Variants in CSGALNACT1 observed in about 807,000 individuals in gnomAD.
CSGALNACT1 encodes the protein beta4GalNAcT-1.
CSGALNACT1 carries 52 observed loss-of-function variants against 51.0 expected under a neutral mutation model. The observed-to-expected ratio is 1.02, with a 90% CI of 0.82 to 1.29. CSGALNACT1 has a LOEUF of 1.29. Ranked by LOEUF, CSGALNACT1 falls within the 50% of genes most tolerant of loss-of-function variation. The pLI is 0.00. For missense variants in CSGALNACT1, 935 were observed against 679.2 expected (o/e 1.38, Z -4.19); for synonymous variants, 341 against 254.4 (o/e 1.34, Z -3.24).
intron 3 of CSGALNACT1, among the ~76,000 whole-genome samples, chr8:19,514,672 T>C (rs974869178): frequency 1.5e-5 from 2 of 134,786 alleles, no homozygotes; most frequent in African/African-American, 5.6e-5. Flanking sequence ...AAAAAAAAAA[T>C]ACAGAAGAGA....
chr8:19,524,971 G>T (rs1587818965), intron 3 of CSGALNACT1, among the ~76,000 whole-genome samples: 1 of 152,172 alleles, frequency 6.6e-6, no homozygotes, highest in East Asian at 1.9e-4. Flanking sequence ...TTGTAAACCA[G>T]AACAGTATCT....
At chr8:19,720,634 G>A (rs979087005) in intron 1 of CSGALNACT1, among the ~76,000 whole-genome samples, 2 of 152,118 alleles carry the variant, frequency 1.3e-5, no homozygotes, top group Non-Finnish European at 1.5e-5. Context: ...TGTGCCAGGC[G>A]TGGCATGGGA....
chr8:19,466,056 G>A (rs1272711161), intron 4 of CSGALNACT1, among the ~76,000 whole-genome samples: 10 of 152,100 alleles, frequency 6.6e-5, no homozygotes, highest in Non-Finnish European at 1.5e-4. Flanking sequence ...ATAGAATTTT[G>A]ACAGTTGTTT....
At chr8:19,582,208 A>T (rs2045729656) in intron 3 of CSGALNACT1, among the ~76,000 whole-genome samples, 1 of 152,226 alleles carries the variant, frequency 6.6e-6, no homozygotes, top group Non-Finnish European at 1.5e-5. Flanking sequence ...CTGGGATTTT[A>T]AATACTGTCC....
intron 5 of CSGALNACT1, among the ~76,000 whole-genome samples, chr8:19,440,920 A>G (rs565576616): frequency 6.6e-6 from 1 of 152,322 alleles, no homozygotes; most frequent in South Asian, 2.1e-4. Context: ...CTTATACACC[A>G]ATAACAGACA....
At chr8:19,588,099 G>T (rs1428900006) in intron 3 of CSGALNACT1, 1 of 152,090 alleles carries the variant, frequency 6.6e-6, no homozygotes, top group Non-Finnish European at 1.5e-5. Context: ...ACTGAGGCAG[G>T]ACAATTGCTT....
intron 3 of CSGALNACT1, among the ~76,000 whole-genome samples, chr8:19,506,778 G>A (rs192298590): frequency 3.3e-5 from 5 of 152,104 alleles, no homozygotes; most frequent in South Asian, 4.1e-4. Flanking sequence ...CCTGCTGACC[G>A]TCACCTTCCA....
At chr8:19,561,687 T>A (rs1564057824) in intron 3 of CSGALNACT1, among the ~76,000 whole-genome samples, 1 of 152,204 alleles carries the variant, frequency 6.6e-6, no homozygotes. Context: ...ATACAGAGAA[T>A]GATTCTTTTA....
exon 4 of CSGALNACT1, chr8:19,505,535 G>A: frequency 1.2e-6 from 2 of 1,613,970 alleles, no homozygotes; most frequent in East Asian, 2.2e-5. Flanking sequence ...CAGCATCGCT[G>A]GCTTGGTACT....
chr8:19,477,995 C>T (rs1181610229), intron 4 of CSGALNACT1, among the ~76,000 whole-genome samples: 1 of 152,138 alleles, frequency 6.6e-6, no homozygotes, highest in South Asian at 2.1e-4. Context: ...ACCCCACCTC[C>T]TGAAGAGGCA....
chr8:19,490,337 G>C (rs1024521530), intron 4 of CSGALNACT1, among the ~76,000 whole-genome samples: 5 of 152,094 alleles, frequency 3.3e-5, no homozygotes, highest in African/African-American at 1.2e-4. Context: ...AGAGAGACAG[G>C]TTTAAAAAAA....
At chr8:19,408,208 T>C (rs1435867466) in intron 9 of CSGALNACT1, among the ~76,000 whole-genome samples, 6 of 152,138 alleles carry the variant, frequency 3.9e-5, no homozygotes, top group Non-Finnish European at 7.4e-5. Context: ...ATTGTGTGTC[T>C]TATTTGGAAT....
At chr8:19,420,362 C>G (rs141736551) in exon 7 of CSGALNACT1, 1 of 1,614,150 alleles carries the variant, frequency 6.2e-7, no homozygotes. Context: ...TCAGCCTACA[C>G]GTATTGAGGA....
At chr8:19,624,205 G>A (rs952351223) in intron 1 of CSGALNACT1, among the ~76,000 whole-genome samples, 1 of 152,104 alleles carries the variant, frequency 6.6e-6, no homozygotes, top group Non-Finnish European at 1.5e-5. Context: ...TCTGGTTCCT[G>A]ATAGCCCTTA....
At chr8:19,494,725 C>A (rs1012677331) in intron 4 of CSGALNACT1, among the ~76,000 whole-genome samples, 4 of 152,164 alleles carry the variant, frequency 2.6e-5, no homozygotes, top group African/African-American at 9.7e-5. Context: ...TCCTCTGGTT[C>A]TGTTCTTTAC....
intron 6 of CSGALNACT1, among the ~76,000 whole-genome samples, chr8:19,425,773 A>G (rs1230211455): frequency 6.6e-6 from 1 of 152,122 alleles, no homozygotes; most frequent in East Asian, 1.9e-4. Context: ...TACATAACAG[A>G]CGACTCACCA....
intron 3 of CSGALNACT1, among the ~76,000 whole-genome samples, chr8:19,528,884 G>C (rs1381211391): frequency 6.6e-6 from 1 of 152,202 alleles, no homozygotes; most frequent in Admixed American, 6.5e-5. Flanking sequence ...GGCTAGGATG[G>C]TAGTTCTCTC....
In CSGALNACT1 at chr8:19,566,058, G is replaced by A. The variant is rs2041845084; in HGVS notation, c.-297+25102C>T. 3.3e-5 allele frequency among the ~76,000 whole-genome samples: 5 copies of A among 152,330 alleles called. No individual in the cohort carries two copies. The South Asian group carries it at 1.0e-3, about 32-fold the overall frequency. ...TGGTGGCCTCGAAAAAGATGTATCT[G>A]TCTCCTAATCCATAAAACCTTTTGT... On this transcript the variant is annotated intron_variant, in intron 3 of 9. Transcript: ENST00000454498.
At chr8:19,450,552 C>A (rs1035691570) in intron 5 of CSGALNACT1, among the ~76,000 whole-genome samples, 2 of 152,180 alleles carry the variant, frequency 1.3e-5, no homozygotes, top group East Asian at 3.9e-4. Context: ...ACAATGACAG[C>A]AGGAGTGAAG....
Sources: gnomAD v4.1 joint callset for allele counts (sites outside exome capture counted in the v4.1 genomes callset) on GRCh38, gnomAD v4.1.1 for gene constraint, MANE v1.5 for transcripts, NCBI Gene and HGNC (gene_info 2026-07-23, HGNC 2026-07-21) for gene names.